KCNK2: variants seen among roughly 807,000 people sequenced by gnomAD.
KCNK2 encodes potassium two pore domain channel subfamily K member 2.
In KCNK2, 21 loss-of-function variants were observed where a neutral mutation model predicts 40.5. The observed-to-expected ratio is 0.52, with a 90% confidence interval of 0.37 to 0.75. The LOEUF (loss-of-function observed/expected upper bound fraction) is 0.75, where lower values mean the gene tolerates loss of function less well. KCNK2 is among the 30% of genes least tolerant of loss of function. KCNK2 has a pLI of 0.00. For missense variants in KCNK2, 399 were observed against 531.6 expected (o/e 0.75, Z 2.45); for synonymous variants, 191 against 202.2 (o/e 0.94, Z 0.47).
chr1:215,164,730 T>C (rs887480715), intron 3 of KCNK2, among the ~76,000 whole-genome samples: 8 of 152,170 alleles, frequency 5.3e-5, no homozygotes, highest in African/African-American at 1.9e-4. Context: ...TCACTTATCG[T>C]GTGCAGCATG....
intron 2 of KCNK2, among the ~76,000 whole-genome samples, chr1:215,119,126 T>C (rs1661073291): frequency 1.3e-5 from 2 of 152,156 alleles, no homozygotes; most frequent in Admixed American, 1.3e-4. Context: ...TCTTCTTTAA[T>C]GAAAACATGG....
intron 3 of KCNK2, among the ~76,000 whole-genome samples, chr1:215,153,068 T>G (rs1322124220): frequency 1.3e-5 from 2 of 152,192 alleles, no homozygotes; most frequent in African/African-American, 2.4e-5. Context: ...TCTAAACAGT[T>G]TAACTCTGTG....
Position 215,170,817 on chromosome 1 carries a change from T to A in KCNK2, c.637-1180T>A, listed in dbSNP as rs573933191. 2.6e-5 allele frequency among the ~76,000 whole-genome samples: 4 copies of A among 152,278 alleles called. No homozygotes were observed. In the East Asian group the frequency reaches 7.7e-4, roughly 29 times the overall value. Reference sequence around the variant, plus strand: ...AATGTTGAATTCTTCGTTCATTCATTCAACAAATTTTTTAGTGCCTCCTAG... The same window carrying A: ...AATGTTGAATTCTTCGTTCATTCATACAACAAATTTTTTAGTGCCTCCTAG... On this transcript the variant is annotated intron_variant, in intron 4 of 6. Coordinates refer to ENST00000444842, the MANE Select transcript of KCNK2 (RefSeq NM_001017425.3).
At chr1:215,075,990 CGATCCCTGGAGGT>C (rs1475693129) in intron 1 of KCNK2, among the ~76,000 whole-genome samples, 1 of 152,132 alleles carries the variant, frequency 6.6e-6, no homozygotes, top group Non-Finnish European at 1.5e-5. Context: ...TGTGCTCTAA[CGATCCCTGGAGGT>C]GATTCTAATG....
chr1:215,110,487 C>T (rs189247833), intron 2 of KCNK2, among the ~76,000 whole-genome samples: 15 of 151,928 alleles, frequency 9.9e-5, no homozygotes, highest in African/African-American at 3.6e-4. Flanking sequence ...CCTCATTATG[C>T]AATCTTGACA....
chr1:215,083,495 TG>T lies in KCNK2; in HGVS notation c.46+67del, dbSNP rs745929534. The T allele has an allele frequency of 1.5e-3, 1,768 of 1,208,932 alleles. 1 individual carries two copies. The highest frequency in any genetic ancestry group is 1.8e-3 in the Non-Finnish European group (1,428 of 813,566). The allele number at this position is 1,208,932 out of a possible 1,614,324, so 74.9% of individuals were successfully genotyped here. Reference sequence around the variant, plus strand: ...CACGCTCTCCTGCCCCAGCCTTTTCTGGGAGGACTGCAAATGCCCCCTCTCA... The same window carrying T: ...CACGCTCTCCTGCCCCAGCCTTTTCTGGAGGACTGCAAATGCCCCCTCTCA... On this transcript the variant is annotated intron_variant, in intron 1 of 6. Coordinates refer to ENST00000444842, the MANE Select transcript of KCNK2 (RefSeq NM_001017425.3).
intron 2 of KCNK2, among the ~76,000 whole-genome samples, chr1:215,093,626 G>T (rs1183139628): frequency 2.9e-3 from 266 of 92,898 alleles, no homozygotes; most frequent in African/African-American, 0.011. Flanking sequence ...ATATAATATA[G>T]AATATATATA....
At position 215,007,145 on chromosome 1, in the gene KCNK2, GTATATATATA is replaced by G. The variant is rs10637132; in HGVS notation, c.34+1192_34+1201del. On this transcript the variant is annotated intron_variant, in intron 1 of 6. Transcript: ENST00000391895. Reference sequence around the variant, plus strand: ...TGTATATATATGTGTATATATATGTGTATATATATATGTATGTATATATATATGTATGTGT... The same window carrying G: ...TGTATATATATGTGTATATATATGTGTGTATGTATATATATATGTATGTGT... Among the ~76,000 whole-genome samples the G allele has an allele frequency of 2.1e-4, 25 of 116,558 alleles. 1 individual carries two copies. Among genetic ancestry groups the G allele is most frequent in the African/African-American group, 7.9e-4 (21 of 26,626 alleles). 76.5% of individuals were successfully genotyped at this position (116,558 alleles called of 152,430 possible). A position where few individuals can be genotyped will look rare whatever the true frequency, so the allele number is the denominator to read the frequency against.
rs571203995 is a variant in KCNK2, at chr1:215,030,109, G to T, written c.34+24154G>T. The stretch of plus-strand genomic sequence containing the variant: ...GTTCTGGATTTGGGCCATTCTAAGA[G>T]GTAGTATCTTATTGTTATCTTAATT... On this transcript the variant is annotated intron_variant, in intron 1 of 6. Coordinates refer to the KCNK2 transcript ENST00000391895. 4.6e-5 allele frequency among the ~76,000 whole-genome samples: 7 copies of T among 152,216 alleles called. No homozygotes were observed. The East Asian group carries it at 1.4e-3, about 29-fold the overall frequency.
chr1:215,064,632 C>A (rs918831606), intron 1 of KCNK2, among the ~76,000 whole-genome samples: 1 of 152,096 alleles, frequency 6.6e-6, no homozygotes, highest in Non-Finnish European at 1.5e-5. Context: ...ACACAGAAAA[C>A]CATGGCTTGC....
At chr1:215,091,015 C>T (rs1374449903) in intron 2 of KCNK2, among the ~76,000 whole-genome samples, 1 of 152,190 alleles carries the variant, frequency 6.6e-6, no homozygotes, top group African/African-American at 2.4e-5. Context: ...CAAGGCGCTT[C>T]TTCCTACATG....
chr1:215,162,316 A>T (rs555741468), intron 3 of KCNK2, among the ~76,000 whole-genome samples: 1 of 152,134 alleles, frequency 6.6e-6, no homozygotes, highest in Non-Finnish European at 1.5e-5. Context: ...GATTCTGGAT[A>T]TTAGCCCTTT....
At chr1:215,168,637 A>C (rs1432634190) in intron 3 of KCNK2, among the ~76,000 whole-genome samples, 3 of 152,176 alleles carry the variant, frequency 2.0e-5, no homozygotes, top group African/African-American at 7.2e-5. Flanking sequence ...CTCGCTCATA[A>C]GTGGGAGTTG....
chr1:215,118,588 A>G (rs186318885), intron 2 of KCNK2, among the ~76,000 whole-genome samples: 6 of 152,272 alleles, frequency 3.9e-5, no homozygotes, highest in Admixed American at 2.6e-4. Flanking sequence ...TATAATTGCA[A>G]CTACCAGAAA....
intron 5 of KCNK2, among the ~76,000 whole-genome samples, chr1:215,173,777 A>C (rs569518074): frequency 1.3e-5 from 2 of 152,268 alleles, no homozygotes; most frequent in African/African-American, 4.8e-5. Context: ...TCTTTTGAGA[A>C]GTGTCTGTTC....
intron 2 of KCNK2, among the ~76,000 whole-genome samples, chr1:215,089,835 TTTTA>T (rs1254911830): frequency 6.2e-5 from 4 of 64,948 alleles, no homozygotes; most frequent in Non-Finnish European, 1.1e-4. Context: ...CTTTTTTTTT[TTTTA>T]TTTTGAAACA....
intron 1 of KCNK2, among the ~76,000 whole-genome samples, chr1:215,067,565 C>T (rs1011235857): frequency 2.0e-5 from 3 of 152,100 alleles, no homozygotes; most frequent in Admixed American, 6.5e-5. Context: ...AAATCTAGGT[C>T]AGAGTCATGG....
chr1:215,177,527 T>C (rs563510896), intron 5 of KCNK2, among the ~76,000 whole-genome samples: 2 of 151,906 alleles, frequency 1.3e-5, no homozygotes, highest in East Asian at 3.9e-4. Flanking sequence ...GAGTTAATTT[T>C]TGTATATGGT....
At chr1:215,054,599 G>A (rs1056631598) in intron 1 of KCNK2, among the ~76,000 whole-genome samples, 42 of 152,298 alleles carry the variant, frequency 2.8e-4, no homozygotes, top group African/African-American at 9.4e-4. Context: ...AGCACCAACC[G>A]TGAGTTACTG....
Sources: allele counts gnomAD v4.1 joint callset (sites outside exome capture counted in the v4.1 genomes callset), GRCh38; gene constraint gnomAD v4.1.1; transcripts MANE v1.5; gene names NCBI Gene and HGNC (gene_info 2026-07-23, HGNC 2026-07-21).